TFAM: variants seen among roughly 807,000 people sequenced by gnomAD.
The protein encoded by TFAM is mitochondrial transcription factor 1.
In TFAM, 13 loss-of-function variants were observed where a neutral mutation model predicts 30.6. The ratio of observed to expected loss-of-function variants is 0.42; its 90% CI spans 0.28 to 0.67. The LOEUF (loss-of-function observed/expected upper bound fraction) is 0.67. TFAM is among the 30% of genes least tolerant of loss of function. The pLI is 0.21. For missense variants in TFAM, 231 were observed against 293.7 expected, an observed-to-expected ratio of 0.79 and a Z score of 1.56; for synonymous variants, 106 against 94.8, an observed-to-expected ratio of 1.12 and a Z score of -0.69.
chr10:58,390,633 A>G, intron 4 of TFAM, 132 bp from the exon 5 acceptor site: 1 of 717,824 alleles, frequency 1.4e-6, no homozygotes, highest in Non-Finnish European at 2.4e-6. Flanking sequence ...TAATAATCAC[A>G]CTATATAAGA....
chr10:58,388,597 C>T, intron 3 of TFAM, 73 bp from the exon 4 acceptor site: 1 of 1,544,058 alleles, frequency 6.5e-7, no homozygotes, highest in East Asian at 2.2e-5. Flanking sequence ...CATGCAGTTG[C>T]CTTTCCCTGG....
chr10:58,385,722 T>A, intron 1 of TFAM, 74 bp downstream of exon 1: 1 of 1,151,260 alleles, frequency 8.7e-7, no homozygotes, highest in Admixed American at 2.0e-5. Flanking sequence ...GACCCTATCC[T>A]TCACTTTCTG....
At chr10:58,393,073 G>A (rs542274100) in intron 5 of TFAM, among the ~76,000 whole-genome samples, 18 of 152,108 alleles carry the variant, frequency 1.2e-4, no homozygotes, top group African/African-American at 3.1e-4. Context: ...TGCGCCTCCC[G>A]GGTTCAAGCG....
chr10:58,392,768 G>A (rs1405057986), intron 5 of TFAM, among the ~76,000 whole-genome samples: 2 of 151,632 alleles, frequency 1.3e-5, no homozygotes, highest in South Asian at 2.1e-4. Context: ...TCTGCCTTCC[G>A]GGCTCAAGCA....
intron 2 of TFAM, 22 bp from the exon 3 acceptor site, chr10:58,388,168 T>A: frequency 6.2e-7 from 1 of 1,605,434 alleles, no homozygotes; most frequent in Non-Finnish European, 8.5e-7. Flanking sequence ...GGCATCTTTT[T>A]TCTTTTTATT....
Position 58,395,069 on chromosome 10 carries a change from T to G in TFAM, c.736T>G (p.Cys246Gly), listed in dbSNP as rs755120398. 8.7e-6 allele frequency: 14 copies of G among 1,612,966 alleles called. No homozygotes were observed. Among genetic ancestry groups the G allele is most frequent in the Non-Finnish European group, 1.2e-5 (14 of 1,179,438 alleles). Residue 246 changes from cysteine to glycine, a missense_variant, in exon 7 of 7, where the codon TGT becomes GGT. Physicochemically the swap from Cys to Gly is radical, Grantham distance 159. Coordinates refer to ENST00000487519, the MANE Select transcript of TFAM (RefSeq NM_003201.3). Reference sequence around the variant, plus strand: ...ACAACGAAAATATGGTGCTGAGGAGTGTTAAAAGTAGAAGATTGAGATGTG... The same window carrying G: ...ACAACGAAAATATGGTGCTGAGGAGGGTTAAAAGTAGAAGATTGAGATGTG... ...KKQRKYGAEEC is the reference protein window; with the variant it reads ...KKQRKYGAEEG
chr10:58,393,937 A>G (rs1249431982), intron 5 of TFAM, among the ~76,000 whole-genome samples: 1 of 152,094 alleles, frequency 6.6e-6, no homozygotes. Flanking sequence ...TTATAAATGA[A>G]GAGCCAAGCC....
At position 58,386,285 on chromosome 10, in the gene TFAM, C is replaced by T. The variant is rs530418879; in HGVS notation, c.167C>T (p.Ser56Phe). 6.2e-7 allele frequency: 1 copy of T among 1,613,904 alleles called. No homozygotes were observed. The highest frequency in any genetic ancestry group is 1.7e-5 in the Admixed American group (1 of 60,030). Residue 56 changes from serine to phenylalanine, a missense_variant, in exon 2 of 7, where the codon TCT becomes TTT. Ser to Phe is a radical substitution (Grantham distance 155). Coordinates refer to ENST00000487519, the MANE Select transcript of TFAM (RefSeq NM_003201.3). Reference sequence around the variant, plus strand: ...AGTTGTCCAAAGAAACCTGTAAGTTCTTACCTTCGATTTTCTAAAGAACAA... The same window carrying T: ...AGTTGTCCAAAGAAACCTGTAAGTTTTTACCTTCGATTTTCTAAAGAACAA... ...LASCPKKPVS[S>F]YLRFSKEQLP...
In TFAM at chr10:58,390,963, C is replaced by G; in HGVS notation, c.537+103C>G. 3 of 1,039,020 alleles carry G rather than the reference C, an allele frequency of 2.9e-6. No homozygotes were observed. The South Asian group carries it at 4.2e-5, about 15-fold the overall frequency. The allele number at this position is 1,039,020 out of a possible 1,614,324, so 64.4% of individuals were successfully genotyped here. ...TGAAGAAAAGTAGTGAATATCCAGACAGTAAACTCTTTTGCTAAGGCCCTC... is the reference window on the plus strand; with the variant it reads ...TGAAGAAAAGTAGTGAATATCCAGAGAGTAAACTCTTTTGCTAAGGCCCTC... On this transcript the variant is annotated intron_variant, in intron 5 of 6. Transcript: ENST00000487519.
chr10:58,387,300 T>C (rs1043693176), intron 2 of TFAM, among the ~76,000 whole-genome samples: 1 of 152,012 alleles, frequency 6.6e-6, no homozygotes, highest in African/African-American at 2.4e-5. Flanking sequence ...GCTCACATTA[T>C]AGGTAAGGAG....
intron 5 of TFAM, among the ~76,000 whole-genome samples, chr10:58,393,506 G>C (rs1412914699): frequency 6.6e-6 from 1 of 152,156 alleles, no homozygotes; most frequent in African/African-American, 2.4e-5. Flanking sequence ...ATTTTGTGTT[G>C]ATAGTGCCCT....
At chr10:58,387,797 G>A (rs1293886349) in intron 2 of TFAM, among the ~76,000 whole-genome samples, 1 of 152,000 alleles carries the variant, frequency 6.6e-6, no homozygotes, top group Non-Finnish European at 1.5e-5. Flanking sequence ...GGACATGATG[G>A]CGCCTACCTG....
At chr10:58,386,623 A>G in intron 2 of TFAM, 2 of 1,198,182 alleles carry the variant, frequency 1.7e-6, no homozygotes, top group East Asian at 5.1e-5. Flanking sequence ...CTAGAGGACC[A>G]CTGATGAATT....
chr10:58,386,415 T>G (rs1160207439), intron 2 of TFAM, 77 bp downstream of exon 2: 6 of 1,045,796 alleles, frequency 5.7e-6, no homozygotes, highest in Non-Finnish European at 9.0e-6. Context: ...AATGTTGAAT[T>G]GCAGTGCTAA....
chr10:58,391,248 T>C (rs1208292637), intron 5 of TFAM, among the ~76,000 whole-genome samples: 2 of 152,296 alleles, frequency 1.3e-5, no homozygotes, highest in South Asian at 4.1e-4. Context: ...TTATATCTTT[T>C]AATAACATTT....
intron 4 of TFAM, among the ~76,000 whole-genome samples, chr10:58,390,066 C>CA (rs1467610818): frequency 6.6e-6 from 1 of 152,170 alleles, no homozygotes; most frequent in Non-Finnish European, 1.5e-5. Flanking sequence ...GAAACTAAAT[C>CA]AGAGGAGCCC....
chr10:58,391,212 G>T (rs1419075436), intron 5 of TFAM, among the ~76,000 whole-genome samples: 2 of 152,086 alleles, frequency 1.3e-5, no homozygotes, highest in East Asian at 3.9e-4. Context: ...TTTCTATGGG[G>T]AATTGATTGT....
intron 5 of TFAM, 49 bp downstream of exon 5, chr10:58,390,909 A>G (rs754627371): frequency 8.6e-6 from 13 of 1,512,610 alleles, no homozygotes; most frequent in Non-Finnish European, 1.2e-5. Flanking sequence ...TTTAGACAGG[A>G]AAAGTCTAGA....
intron 3 of TFAM, among the ~76,000 whole-genome samples, 158 bp downstream of exon 3, chr10:58,388,418 A>G (rs982446519): frequency 2.0e-5 from 3 of 152,248 alleles, no homozygotes; most frequent in African/African-American, 7.2e-5. Flanking sequence ...TAATGAGAAT[A>G]TGGATGTATG....
Sources: gnomAD v4.1 joint callset for allele counts (sites outside exome capture counted in the v4.1 genomes callset) on GRCh38, gnomAD v4.1.1 for gene constraint, MANE v1.5 for transcripts, NCBI Gene and HGNC (gene_info 2026-07-23, HGNC 2026-07-21) for gene names.